Variants in TTYH3 observed in about 807,000 individuals in gnomAD.
TTYH3 encodes protein tweety homolog 3.
A neutral mutation model predicts 68.2 loss-of-function variants in TTYH3; 23 were observed. That is an observed-to-expected ratio of 0.34 (90% CI 0.24 to 0.48). The LOEUF is 0.48. Ranked by LOEUF, TTYH3 falls within the 20% of genes least tolerant of loss-of-function variation. The pLI is 0.99. For synonymous variants in TTYH3, 360 were observed against 332.8 expected, an observed-to-expected ratio of 1.08 and a Z score of -0.89; for missense variants, 768 against 727.7, an observed-to-expected ratio of 1.06 and a Z score of -0.64.
chr7:2,643,129 G>T (rs1785894478), intron 1 of TTYH3, among the ~76,000 whole-genome samples: 1 of 151,896 alleles, frequency 6.6e-6, no homozygotes, highest in Admixed American at 6.6e-5. Context: ...GCCGAGGCGG[G>T]CAGATCATGA....
intron 1 of TTYH3, among the ~76,000 whole-genome samples, chr7:2,640,644 T>C (rs1785815245): frequency 2.6e-5 from 4 of 152,136 alleles, no homozygotes; most frequent in Admixed American, 2.0e-4. Flanking sequence ...GAGCCTGGCA[T>C]TGCGTTGGGG....
intron 12 of TTYH3, 121 bp downstream of exon 12, chr7:2,658,580 GC>G: frequency 7.7e-7 from 1 of 1,293,342 alleles, no homozygotes; most frequent in Non-Finnish European, 1.1e-6. Flanking sequence ...GGGCTGGGCA[GC>G]CCTGGCCTTG....
At chr7:2,632,456 G>A (rs559045301) in intron 1 of TTYH3, among the ~76,000 whole-genome samples, 178 bp downstream of exon 1, 1 of 151,614 alleles carries the variant, frequency 6.6e-6, no homozygotes, top group Non-Finnish European at 1.5e-5. Context: ...TCCCTTCTGA[G>A]TCCTAGGACC....
At chr7:2,660,993 C>T (rs1306274503) in intron 13 of TTYH3, among the ~76,000 whole-genome samples, 1 of 152,226 alleles carries the variant, frequency 6.6e-6, no homozygotes, top group Non-Finnish European at 1.5e-5. Context: ...GCTGCAGAGC[C>T]AGGCACAGGA....
rs138223406 is a variant in TTYH3 at position 2,653,820 on chromosome 7, G to A, written c.1020+810G>A. On this transcript the variant is annotated intron_variant, in intron 9 of 13. Transcript: ENST00000258796. Reference sequence around the variant, plus strand: ...AGAGATTGCGGTGAGCGGAGATCACGCCACTGCACTCCAGCCTGGGCAACA... The same window carrying A: ...AGAGATTGCGGTGAGCGGAGATCACACCACTGCACTCCAGCCTGGGCAACA... Among the ~76,000 whole-genome samples, 1,273 of 152,252 alleles carry A rather than the reference G, an allele frequency of 8.4e-3. 21 individuals are homozygous for A. The highest frequency in any genetic ancestry group is 0.028 in the African/African-American group (1,160 of 41,552).
chr7:2,641,308 C>T (rs916495333), intron 1 of TTYH3, among the ~76,000 whole-genome samples: 5 of 146,576 alleles, frequency 3.4e-5, no homozygotes, highest in African/African-American at 1.0e-4. Flanking sequence ...TTGGGGGCTG[C>T]GGGGCAGTCG....
chr7:2,659,824 C>T (rs1280094913), intron 13 of TTYH3: 2 of 1,211,834 alleles, frequency 1.7e-6, no homozygotes, highest in Non-Finnish European at 1.1e-6. Flanking sequence ...CGCTCGGCTG[C>T]CCTCGTCCTC....
At chr7:2,652,078 A>G in intron 7 of TTYH3, 109 bp from the exon 8 acceptor site, 1 of 901,104 alleles carries the variant, frequency 1.1e-6, no homozygotes, top group Non-Finnish European at 1.8e-6. Flanking sequence ...CACACATGTA[A>G]ACATGCACGC....
chr7:2,658,937 CAGG>C lies in TTYH3; in HGVS notation c.1425_1427del (p.Met475_Ser476delinsIle). ...TCACAGCCTCTCTCCCCTCATGCCTCAGGAGCCAGAACGCTAATTTCCAGAACC... is the reference window on the plus strand; with the variant it reads ...TCACAGCCTCTCTCCCCTCATGCCTCAGCCAGAACGCTAATTTCCAGAACC... On this transcript the variant is annotated splice_acceptor_variant and coding_sequence_variant, in exon 13 of 14. Transcript: ENST00000258796. LOFTEE classifies it high-confidence loss of function. 1 of 1,614,038 alleles carries C rather than the reference CAGG, an allele frequency of 6.2e-7. No homozygotes were observed.
intron 9 of TTYH3, among the ~76,000 whole-genome samples, chr7:2,653,784 A>T (rs1198271374): frequency 6.6e-6 from 1 of 152,046 alleles, no homozygotes; most frequent in Non-Finnish European, 1.5e-5. Context: ...AATCACTTGA[A>T]CCTGGGAGGC....
intron 1 of TTYH3, among the ~76,000 whole-genome samples, chr7:2,637,835 A>G (rs947000718): frequency 6.6e-6 from 1 of 152,118 alleles, no homozygotes; most frequent in Admixed American, 6.5e-5. Flanking sequence ...GGCTTCTCAC[A>G]GTCTTGGGAG....
Position 2,658,972 on chromosome 7 carries a change from G to T in TTYH3, c.1457G>T (p.Cys486Phe). 1 of 1,614,088 alleles carries T rather than the reference G, an allele frequency of 6.2e-7. No homozygotes were observed. Among genetic ancestry groups the T allele is most frequent in the Non-Finnish European group, 8.5e-7 (1 of 1,179,952 alleles). The change falls in exon 13 of 14, where the codon TGT becomes TTT. Residue 486 changes from cysteine (C) to phenylalanine (F), a missense_variant. By Grantham distance (205) the Cys-to-Phe change is radical (BLOSUM62 -2). Transcript: ENST00000258796. ...SQNANFQNPR[C>F]ENTPLIGRES... The stretch of plus-strand genomic sequence containing the variant: ...AACGCTAATTTCCAGAACCCCCGCT[G>T]TGAGAACACCCCACTCATTGGGCGC...
rs571871140 is a variant in TTYH3, at chr7:2,660,533, C to T, written c.1501-1135C>T. The T allele has an allele frequency of 1.8e-3, 1,784 of 985,318 alleles. 2 individuals carry two copies. Among genetic ancestry groups the T allele is most frequent in the Admixed American group, 5.2e-3 (85 of 16,292 alleles). The allele number at this position is 985,318 out of a possible 1,614,324, so 61.0% of individuals were successfully genotyped here. On this transcript the variant is annotated intron_variant, in intron 13 of 13. Transcript: ENST00000258796. ...CTGCTTGGGCTCCTTCAGGGGTCTGCGCGTCTGCCCCGTCCCGTCCAGTCC... is the reference window on the plus strand; with the variant it reads ...CTGCTTGGGCTCCTTCAGGGGTCTGTGCGTCTGCCCCGTCCCGTCCAGTCC...
rs760459052 is a variant in TTYH3, at chr7:2,658,278, C to T, written c.1251-8C>T. On this transcript the variant is annotated splice_polypyrimidine_tract_variant and splice_region_variant and intron_variant, in intron 11 of 13. Transcript: ENST00000258796. ...GCCTGAGCCCGTGCTGCGTGTCCCT[C>T]CTCACAGAGGCCCTGATGAGGACGG... The T allele has an allele frequency of 3.2e-6, 5 of 1,553,816 alleles. No homozygotes were observed. Among genetic ancestry groups the T allele is most frequent in the South Asian group, 1.2e-5 (1 of 84,580 alleles).
intron 13 of TTYH3, chr7:2,660,569 CG>C: frequency 1.0e-6 from 1 of 982,860 alleles, no homozygotes. Context: ...CGCCCCGTCC[CG>C]CCCCCATCCC....
At chr7:2,638,562 C>T (rs1437898505) in intron 1 of TTYH3, among the ~76,000 whole-genome samples, 4 of 152,066 alleles carry the variant, frequency 2.6e-5, no homozygotes, top group African/African-American at 4.8e-5. Context: ...TGCAGCCTGG[C>T]GACCTGGACC....
intron 1 of TTYH3, among the ~76,000 whole-genome samples, chr7:2,641,582 CCA>C (rs1225403003): frequency 6.6e-6 from 1 of 152,252 alleles, no homozygotes; most frequent in Non-Finnish European, 1.5e-5. Context: ...ATCACTTCCA[CCA>C]CAGACGGAAA....
At chr7:2,653,590 C>T (rs867741770) in intron 9 of TTYH3, among the ~76,000 whole-genome samples, 4 of 152,292 alleles carry the variant, frequency 2.6e-5, no homozygotes, top group East Asian at 1.9e-4. Context: ...AGGCCTGGCG[C>T]GGTGGCTCAC....
At chr7:2,634,502 T>G (rs1472584282) in intron 1 of TTYH3, among the ~76,000 whole-genome samples, 1 of 142,226 alleles carries the variant, frequency 7.0e-6, no homozygotes, top group Non-Finnish European at 1.5e-5. Flanking sequence ...GTCTCTGTGC[T>G]GCCCCAACCT....
Sources: allele counts gnomAD v4.1 joint callset (sites outside exome capture counted in the v4.1 genomes callset), GRCh38; gene constraint gnomAD v4.1.1; transcripts MANE v1.5; gene names NCBI Gene and HGNC (gene_info 2026-07-23, HGNC 2026-07-21).